The following IGFL2 variants were observed in gnomAD, a reference collection of about 807,000 sequenced individuals.
IGFL2 encodes IGF like family member 2.
Under a neutral mutation model 13.9 loss-of-function variants are expected in IGFL2, and 7 were observed. The ratio of observed to expected loss-of-function variants is 0.51; its 90% CI spans 0.29 to 0.95. The LOEUF (loss-of-function observed/expected upper bound fraction) is 0.95, where lower values mean the gene tolerates loss of function less well. IGFL2 is among the 40% of genes least tolerant of loss of function. IGFL2 has a pLI of 0.08. For synonymous variants in IGFL2, 55 were observed against 55.8 expected (o/e 0.99, Z 0.07); for missense variants, 138 against 147.8 (o/e 0.93, Z 0.34).
At chr19:46,151,972 C>T (rs1973521251) in intron 1 of IGFL2, among the ~76,000 whole-genome samples, 1 of 152,096 alleles carries the variant, frequency 6.6e-6, no homozygotes, top group Non-Finnish European at 1.5e-5. Flanking sequence ...TTTTTGGCAC[C>T]TGAACAATAT....
At chr19:46,146,967 C>T (rs570561838), upstream of IGFL2, among the ~76,000 whole-genome samples, 128 of 152,234 alleles carry the variant, frequency 8.4e-4, 2 homozygotes, top group Middle Eastern at 0.017. Context: ...CACATGGTAT[C>T]CAGTGACACA....
chr19:46,120,737 A>G, the IGFL2 span, among the ~76,000 whole-genome samples: 2 of 151,000 alleles, frequency 1.3e-5, no homozygotes, highest in Admixed American at 1.3e-4. Context: ...AAACTTCTAT[A>G]ATTTGGTTAT....
At chr19:46,136,668 T>C in the IGFL2 span, 1 of 434,794 alleles carries the variant, frequency 2.3e-6, no homozygotes, top group African/African-American at 2.1e-5. Flanking sequence ...AAAAAATATA[T>C]AAAATAATGC....
downstream of IGFL2, among the ~76,000 whole-genome samples, chr19:46,162,226 T>C (rs1254104838): frequency 6.6e-6 from 1 of 152,228 alleles, no homozygotes; most frequent in Non-Finnish European, 1.5e-5. Context: ...TTTAACATTC[T>C]TTCTTTCATT....
the IGFL2 span, among the ~76,000 whole-genome samples, chr19:46,095,143 A>G: frequency 3.3e-5 from 5 of 152,236 alleles, no homozygotes; most frequent in Non-Finnish European, 7.3e-5. Context: ...CATTCCCACC[A>G]ACAGTATAAA....
chr19:46,114,065 G>A, the IGFL2 span, among the ~76,000 whole-genome samples: 3 of 152,180 alleles, frequency 2.0e-5, no homozygotes, highest in Admixed American at 6.5e-5. Flanking sequence ...CACACTTGTA[G>A]GAAGTCAGAC....
chr19:46,101,002 G>C, the IGFL2 span: 3 of 152,442 alleles, frequency 2.0e-5, no homozygotes, highest in African/African-American at 7.2e-5. Flanking sequence ...TTTGCTGAGG[G>C]TTCACTTCAG....
At chr19:46,154,553 C>T (rs980136791) in intron 1 of IGFL2, among the ~76,000 whole-genome samples, 1 of 152,174 alleles carries the variant, frequency 6.6e-6, no homozygotes, top group Non-Finnish European at 1.5e-5. Context: ...ACGCCATTCT[C>T]CTGCCTCAGC....
At chr19:46,124,655 C>G in the IGFL2 span, 1 of 1,607,838 alleles carries the variant, frequency 6.2e-7, no homozygotes, top group Non-Finnish European at 8.5e-7. Flanking sequence ...CTCATGCTTC[C>G]AAAGATGCTC....
the IGFL2 span, chr19:46,137,309 C>A: frequency 4.7e-6 from 5 of 1,055,408 alleles, no homozygotes; most frequent in East Asian, 1.2e-4. Context: ...TTATCTCCTT[C>A]GTAGGCTCAT....
At chr19:46,171,727 A>G in the IGFL2 span, among the ~76,000 whole-genome samples, 3 of 152,242 alleles carry the variant, frequency 2.0e-5, no homozygotes, top group East Asian at 1.9e-4. Flanking sequence ...CACTTACTTT[A>G]TCTTTTGATA....
At chr19:46,173,272 T>C in the IGFL2 span, among the ~76,000 whole-genome samples, 3 of 152,306 alleles carry the variant, frequency 2.0e-5, no homozygotes, top group East Asian at 5.8e-4. Context: ...ACTTCCCCTA[T>C]ATGGAGCCCA....
the IGFL2 span, among the ~76,000 whole-genome samples, chr19:46,117,253 T>C: frequency 6.6e-6 from 1 of 152,182 alleles, no homozygotes; most frequent in Non-Finnish European, 1.5e-5. Flanking sequence ...TTTTTATATT[T>C]TGTAGATATT....
the IGFL2 span, chr19:46,212,912 T>A: frequency 6.6e-6 from 1 of 152,038 alleles, no homozygotes; most frequent in African/African-American, 2.4e-5. Flanking sequence ...GGAGTGTGAG[T>A]CCCAGGGGTC....
upstream of IGFL2, among the ~76,000 whole-genome samples, chr19:46,139,810 A>G (rs577221164): frequency 4.6e-5 from 7 of 152,166 alleles, no homozygotes; most frequent in South Asian, 1.5e-3. Flanking sequence ...AACACACATA[A>G]CCAAACTTAT....
At chr19:46,205,603 T>TGAGA in the IGFL2 span, among the ~76,000 whole-genome samples, 710 of 150,508 alleles carry the variant, frequency 4.7e-3, 11 homozygotes, top group Admixed American at 0.029. Context: ...ATTCAGGTGC[T>TGAGA]GAGAGAGAGA....
At chr19:46,167,120 A>T in the IGFL2 span, among the ~76,000 whole-genome samples, 1 of 152,212 alleles carries the variant, frequency 6.6e-6, no homozygotes, top group Non-Finnish European at 1.5e-5. Flanking sequence ...AGGCATTAGA[A>T]ATTACAGAAG....
At chr19:46,156,042 C>G (rs541456309) in intron 1 of IGFL2, among the ~76,000 whole-genome samples, 14 of 152,228 alleles carry the variant, frequency 9.2e-5, no homozygotes, top group African/African-American at 3.4e-4. Context: ...GTCTTGAACT[C>G]CTGGGATCAA....
chr19:46,119,598 A>G, the IGFL2 span, among the ~76,000 whole-genome samples: 4 of 150,804 alleles, frequency 2.7e-5, 1 homozygote, highest in African/African-American at 4.9e-5. Flanking sequence ...CTTTACTACA[A>G]CCTCAACTAA....
Sources: gnomAD v4.1 joint callset for allele counts (sites outside exome capture counted in the v4.1 genomes callset) on GRCh38, gnomAD v4.1.1 for gene constraint, MANE v1.5 for transcripts, NCBI Gene and HGNC (gene_info 2026-07-23, HGNC 2026-07-21) for gene names.